Variants in RHOU observed in about 807,000 individuals in gnomAD.
RHOU encodes ras homolog family member U.
Under a neutral mutation model 12.6 loss-of-function variants are expected in RHOU, and 8 were observed. That is an observed-to-expected ratio of 0.64 (90% confidence interval 0.37 to 1.15). RHOU has a LOEUF of 1.15. Among genes scored for constraint, RHOU ranks in the 50% most tolerant of loss-of-function variants. The pLI is 0.01. For missense variants in RHOU, 258 were observed against 347.0 expected, an observed-to-expected ratio of 0.74 and a Z score of 2.04; for synonymous variants, 161 against 147.4, an observed-to-expected ratio of 1.09 and a Z score of -0.67.
the RHOU span, among the ~76,000 whole-genome samples, chr1:228,661,464 C>G: frequency 6.6e-6 from 1 of 152,202 alleles, no homozygotes; most frequent in African/African-American, 2.4e-5. Flanking sequence ...CAGCATGGTA[C>G]TGGTCCCAAA....
chr1:228,696,587 C>G, the RHOU span, among the ~76,000 whole-genome samples: 45 of 152,220 alleles, frequency 3.0e-4, no homozygotes, highest in African/African-American at 9.9e-4. Flanking sequence ...TGCTCTGTCA[C>G]CCAGGCTGGA....
chr1:228,718,295 G>A, the RHOU span, among the ~76,000 whole-genome samples: 1 of 152,190 alleles, frequency 6.6e-6, no homozygotes, highest in African/African-American at 2.4e-5. Flanking sequence ...ATGCAAATAA[G>A]TTTTAAGGAC....
the RHOU span, among the ~76,000 whole-genome samples, chr1:228,726,274 A>G: frequency 6.6e-6 from 1 of 152,174 alleles, no homozygotes; most frequent in Non-Finnish European, 1.5e-5. Flanking sequence ...CCATGCTGCT[A>G]AAGCCTATCA....
At chr1:228,656,843 T>C in the RHOU span, among the ~76,000 whole-genome samples, 1 of 152,202 alleles carries the variant, frequency 6.6e-6, no homozygotes, top group African/African-American at 2.4e-5. Flanking sequence ...TCAGTAATTA[T>C]TTCAAATATA....
At chr1:228,686,160 T>C in the RHOU span, among the ~76,000 whole-genome samples, 3,076 of 152,246 alleles carry the variant, frequency 0.02, 105 homozygotes, top group African/African-American at 0.07. Flanking sequence ...TTTAGAGGAA[T>C]TAGTTAAATC....
the RHOU span, among the ~76,000 whole-genome samples, chr1:228,666,253 C>G: frequency 6.6e-6 from 1 of 152,126 alleles, no homozygotes; most frequent in Non-Finnish European, 1.5e-5. Context: ...AGCCACCGTG[C>G]CTGGTCTAAG....
At chr1:228,667,666 G>A in the RHOU span, among the ~76,000 whole-genome samples, 1 of 152,126 alleles carries the variant, frequency 6.6e-6, no homozygotes, top group African/African-American at 2.4e-5. Flanking sequence ...GACTACATTT[G>A]ATGTTACCTT....
At chr1:228,668,701 C>T in the RHOU span, among the ~76,000 whole-genome samples, 1 of 152,184 alleles carries the variant, frequency 6.6e-6, no homozygotes, top group Non-Finnish European at 1.5e-5. Context: ...CGATAAAATA[C>T]ACCATCTCGA....
At chr1:228,672,430 T>A in the RHOU span, among the ~76,000 whole-genome samples, 7 of 152,218 alleles carry the variant, frequency 4.6e-5, no homozygotes, top group African/African-American at 1.7e-4. Flanking sequence ...CCCAAAGTGC[T>A]GGGATTACAG....
At chr1:228,650,999 G>T in the RHOU span, 2 of 318,252 alleles carry the variant, frequency 6.3e-6, no homozygotes, top group African/African-American at 2.3e-5. Context: ...GAAAGGCAAG[G>T]TCCTGGTCCA....
the RHOU span, among the ~76,000 whole-genome samples, chr1:228,684,191 C>T: frequency 6.6e-6 from 1 of 152,080 alleles, no homozygotes; most frequent in African/African-American, 2.4e-5. Flanking sequence ...TGTGTGCCAC[C>T]ATGATGGTCT....
the RHOU span, among the ~76,000 whole-genome samples, chr1:228,684,871 T>C: frequency 3.9e-5 from 6 of 152,214 alleles, no homozygotes; most frequent in Middle Eastern, 3.4e-3. Context: ...GTGTTCTTGA[T>C]CTTGTGTAAG....
the RHOU span, among the ~76,000 whole-genome samples, chr1:228,691,763 A>T: frequency 1.3e-5 from 2 of 152,180 alleles, no homozygotes; most frequent in South Asian, 4.1e-4. Flanking sequence ...TTTCATCCTT[A>T]ATCCTCAGTA....
the RHOU span, among the ~76,000 whole-genome samples, chr1:228,703,380 G>T: frequency 6.6e-6 from 1 of 151,996 alleles, no homozygotes; most frequent in African/African-American, 2.4e-5. Context: ...GAAAAAATTA[G>T]CCAGGTGTGG....
the RHOU span, among the ~76,000 whole-genome samples, chr1:228,661,829 G>A: frequency 3.3e-5 from 5 of 152,176 alleles, no homozygotes; most frequent in African/African-American, 1.2e-4. Flanking sequence ...ATTGACAAAT[G>A]GGGTCTAAAT....
chr1:228,655,648 C>G, the RHOU span, among the ~76,000 whole-genome samples: 1 of 152,192 alleles, frequency 6.6e-6, no homozygotes, highest in Admixed American at 6.6e-5. Context: ...CGATTCATTT[C>G]CCTTGAACAC....
At chr1:228,702,843 C>T in the RHOU span, among the ~76,000 whole-genome samples, 1 of 152,160 alleles carries the variant, frequency 6.6e-6, no homozygotes, top group Non-Finnish European at 1.5e-5. Flanking sequence ...ATGAAGAATT[C>T]TCATTTGTCA....
At chr1:228,661,197 A>G in the RHOU span, among the ~76,000 whole-genome samples, 1 of 152,162 alleles carries the variant, frequency 6.6e-6, no homozygotes, top group Non-Finnish European at 1.5e-5. Context: ...GAGACAAACA[A>G]ATGGAAGAAC....
chr1:228,696,355 G>GT, the RHOU span, among the ~76,000 whole-genome samples: 3,669 of 148,032 alleles, frequency 0.025, 263 homozygotes, highest in East Asian at 0.23. Flanking sequence ...AATCTTGAGG[G>GT]TTTTTTTTTT....
Sources: allele counts gnomAD v4.1 joint callset (sites outside exome capture counted in the v4.1 genomes callset), GRCh38; gene constraint gnomAD v4.1.1; transcripts MANE v1.5; gene names NCBI Gene and HGNC (gene_info 2026-07-23, HGNC 2026-07-21).